The following KCNB2 variants were observed in gnomAD, a reference collection of about 807,000 sequenced individuals.
KCNB2 encodes the protein delayed rectifier potassium channel protein.
Under a neutral mutation model 61.5 loss-of-function variants are expected in KCNB2, and 15 were observed. The ratio of observed to expected loss-of-function variants is 0.24; its 90% CI spans 0.16 to 0.38. The LOEUF is 0.38. Among genes scored for constraint, KCNB2 ranks in the 10% least tolerant of loss-of-function variants. KCNB2 has a pLI of 1.00. For missense variants in KCNB2, 828 were observed against 1,125.2 expected, an observed-to-expected ratio of 0.74 and a Z score of 3.78; for synonymous variants, 457 against 446.0, an observed-to-expected ratio of 1.02 and a Z score of -0.31.
chr8:72,913,816 C>A (rs1407599208), intron 2 of KCNB2, among the ~76,000 whole-genome samples: 1 of 152,220 alleles, frequency 6.6e-6, no homozygotes, highest in East Asian at 1.9e-4. Context: ...AGATATGACA[C>A]TTTTCAACAA....
chr8:72,642,108 G>A (rs1419476358), intron 2 of KCNB2, among the ~76,000 whole-genome samples: 1 of 152,126 alleles, frequency 6.6e-6, no homozygotes, highest in Non-Finnish European at 1.5e-5. Context: ...AGTATGGCAG[G>A]TGGCCTCTAG....
At chr8:72,612,090 A>G (rs1398470822) in intron 2 of KCNB2, among the ~76,000 whole-genome samples, 1 of 152,222 alleles carries the variant, frequency 6.6e-6, no homozygotes, top group Non-Finnish European at 1.5e-5. Context: ...CTCAAGCAGT[A>G]TATCCCATGC....
intron 2 of KCNB2, among the ~76,000 whole-genome samples, chr8:72,893,690 A>G (rs983586541): frequency 2.0e-5 from 3 of 152,220 alleles, no homozygotes; most frequent in African/African-American, 4.8e-5. Flanking sequence ...CTTAGATAGT[A>G]TCTATACACA....
At chr8:72,642,490 C>T (rs1806071892) in intron 2 of KCNB2, among the ~76,000 whole-genome samples, 1 of 152,024 alleles carries the variant, frequency 6.6e-6, no homozygotes, top group Non-Finnish European at 1.5e-5. Context: ...TGTGGACTCA[C>T]ACAGCTTACA....
intron 2 of KCNB2, among the ~76,000 whole-genome samples, chr8:72,784,089 A>G (rs532708417): frequency 8.4e-4 from 128 of 152,316 alleles, no homozygotes; most frequent in African/African-American, 3.1e-3. Flanking sequence ...GGAAATATTT[A>G]ATATATTCAA....
At chr8:72,630,022 T>A (rs79790668) in intron 2 of KCNB2, among the ~76,000 whole-genome samples, 1,677 of 152,328 alleles carry the variant, frequency 0.011, 33 homozygotes, top group African/African-American at 0.038. Flanking sequence ...CATGGTTGTC[T>A]GTTAAGCACA....
intron 2 of KCNB2, among the ~76,000 whole-genome samples, chr8:72,799,469 C>T (rs746902564): frequency 6.6e-6 from 1 of 151,956 alleles, no homozygotes; most frequent in Non-Finnish European, 1.5e-5. Context: ...CAAAACATAG[C>T]GATATTCACA....
intron 1 of KCNB2, among the ~76,000 whole-genome samples, chr8:72,563,248 G>A (rs1806564615): frequency 6.6e-6 from 1 of 152,104 alleles, no homozygotes; most frequent in Admixed American, 6.5e-5. Context: ...GAATCACAGT[G>A]AAAGGAAAAA....
intron 2 of KCNB2, among the ~76,000 whole-genome samples, chr8:72,675,984 A>G (rs911292290): frequency 7.0e-6 from 1 of 142,586 alleles, no homozygotes; most frequent in Non-Finnish European, 1.5e-5. Context: ...AAGAATTAAG[A>G]CTCAGAAAAG....
intron 2 of KCNB2, among the ~76,000 whole-genome samples, chr8:72,667,913 C>T (rs1276491424): frequency 3.3e-5 from 5 of 152,224 alleles, no homozygotes; most frequent in Non-Finnish European, 5.9e-5. Flanking sequence ...GAATTCCTTA[C>T]TCACTAGCCC....
At chr8:72,896,410 C>T (rs10504544) in intron 2 of KCNB2, among the ~76,000 whole-genome samples, 6,555 of 152,142 alleles carry the variant, frequency 0.043, 465 homozygotes, top group African/African-American at 0.14. Flanking sequence ...TTTCATAAGG[C>T]CAACACTAAA....
chr8:72,840,737 G>A (rs149420635), intron 2 of KCNB2, among the ~76,000 whole-genome samples: 1,758 of 152,002 alleles, frequency 0.012, 50 homozygotes, highest in African/African-American at 0.04. Context: ...TATCCTTTGC[G>A]CACTTTTTGA....
chr8:72,570,039 G>A (rs1019089809), intron 2 of KCNB2, among the ~76,000 whole-genome samples: 36 of 152,070 alleles, frequency 2.4e-4, no homozygotes, highest in South Asian at 6.2e-4. Flanking sequence ...GATAGAATAA[G>A]GTCAACAACC....
intron 2 of KCNB2, among the ~76,000 whole-genome samples, chr8:72,669,800 C>T (rs1474138179): frequency 1.3e-5 from 2 of 152,190 alleles, no homozygotes; most frequent in East Asian, 1.9e-4. Context: ...GCCTCATCTT[C>T]CAGTCACCTA....
At chr8:72,692,035 G>C (rs924067137) in intron 2 of KCNB2, among the ~76,000 whole-genome samples, 19 of 151,984 alleles carry the variant, frequency 1.3e-4, no homozygotes, top group Non-Finnish European at 2.4e-4. Flanking sequence ...AGGAGATCGA[G>C]ACCATCCTGG....
At chr8:72,626,265 C>G (rs1413808447) in intron 2 of KCNB2, among the ~76,000 whole-genome samples, 2 of 152,198 alleles carry the variant, frequency 1.3e-5, no homozygotes, top group South Asian at 2.1e-4. Context: ...ACAGTCCACC[C>G]TAGGCCCAGT....
At chr8:72,604,315 C>G (rs774432020) in intron 2 of KCNB2, among the ~76,000 whole-genome samples, 2 of 152,242 alleles carry the variant, frequency 1.3e-5, no homozygotes, top group Non-Finnish European at 2.9e-5. Context: ...GAATCCTTCT[C>G]TAAGGTAGAG....
At chr8:72,820,705 C>T (rs1414731102) in intron 2 of KCNB2, among the ~76,000 whole-genome samples, 2 of 151,948 alleles carry the variant, frequency 1.3e-5, no homozygotes, top group Non-Finnish European at 2.9e-5. Context: ...TTTAATATTA[C>T]TTTCTTTGCC....
Position 72,712,804 on chromosome 8 carries a change from G to C in KCNB2, c.579+144491G>C, listed in dbSNP as rs1807347322. The stretch of plus-strand genomic sequence containing the variant: ...GGGTTCATCTCACTGAGGAGTGCTG[G>C]GCAGTGGGTTCAGGACAGTGGGTGT... On this transcript the variant is annotated intron_variant, in intron 2 of 2. Coordinates refer to ENST00000523207, the MANE Select transcript of KCNB2 (RefSeq NM_004770.3). 3.3e-5 allele frequency among the ~76,000 whole-genome samples: 5 copies of C among 152,122 alleles called. No homozygotes were observed. In the South Asian group the frequency reaches 1.0e-3, roughly 32 times the overall value.
Sources: gnomAD v4.1 joint callset for allele counts (sites outside exome capture counted in the v4.1 genomes callset) on GRCh38, gnomAD v4.1.1 for gene constraint, MANE v1.5 for transcripts, NCBI Gene and HGNC (gene_info 2026-07-23, HGNC 2026-07-21) for gene names.